BBS9: variants seen among roughly 807,000 people sequenced by gnomAD.
The protein encoded by BBS9 is protein PTHB1.
In BBS9, 89 loss-of-function variants were observed where a neutral mutation model predicts 117.7. The ratio of observed to expected loss-of-function variants is 0.76; its 90% CI spans 0.64 to 0.90. BBS9 has a LOEUF of 0.90. Among genes scored for constraint, BBS9 ranks in the 40% least tolerant of loss-of-function variants. The pLI, the probability that BBS9 is intolerant of heterozygous loss-of-function variation, is 0.00. For missense variants in BBS9, 982 were observed against 1,042.2 expected, an observed-to-expected ratio of 0.94 and a Z score of 0.80; for synonymous variants, 379 against 370.9, an observed-to-expected ratio of 1.02 and a Z score of -0.25.
intron 20 of BBS9, among the ~76,000 whole-genome samples, chr7:33,518,500 C>T (rs1013347817): frequency 2.6e-5 from 4 of 152,014 alleles, no homozygotes; most frequent in South Asian, 2.1e-4. Flanking sequence ...CCGCCCGCCT[C>T]GGCCTCCCAA....
chr7:33,547,794 A>T (rs1188591904), intron 21 of BBS9, among the ~76,000 whole-genome samples: 2 of 152,174 alleles, frequency 1.3e-5, no homozygotes, highest in African/African-American at 4.8e-5. Flanking sequence ...ATTGTTTCAA[A>T]ATCGTTTTGA....
chr7:33,285,401 A>G (rs1033253165), intron 9 of BBS9, among the ~76,000 whole-genome samples: 20 of 152,130 alleles, frequency 1.3e-4, no homozygotes, highest in Admixed American at 2.0e-4. Context: ...ATGGGGGATG[A>G]AGGAACAGAA....
At chr7:33,227,427 G>A (rs901262272) in intron 5 of BBS9, among the ~76,000 whole-genome samples, 1 of 152,080 alleles carries the variant, frequency 6.6e-6, no homozygotes, top group African/African-American at 2.4e-5. Flanking sequence ...GATTACAGGT[G>A]TGAGCCACTG....
chr7:33,485,673 T>G (rs1843016878), intron 19 of BBS9, among the ~76,000 whole-genome samples: 1 of 152,144 alleles, frequency 6.6e-6, no homozygotes. Context: ...TTCTTCTGAG[T>G]CTTTATAAGG....
chr7:33,448,359 G>A lies in BBS9; in HGVS notation c.2116-57104G>A, dbSNP rs143215140. ...TTTTCCTGTCTGTGATGTAGTCTGA[G>A]TGCATTCCCTTTGCCTTGGCAGTTT... On this transcript the variant is annotated intron_variant, in intron 19 of 22. Coordinates refer to ENST00000242067, the MANE Select transcript of BBS9 (RefSeq NM_198428.3). Among the ~76,000 whole-genome samples, 69 of 152,254 alleles carry A rather than the reference G, an allele frequency of 4.5e-4. No individual in the cohort carries two copies. The East Asian group carries it at 0.013, about 28-fold the overall frequency.
intron 5 of BBS9, among the ~76,000 whole-genome samples, chr7:33,198,922 A>G (rs1004262749): frequency 6.6e-6 from 1 of 152,018 alleles, no homozygotes; most frequent in East Asian, 1.9e-4. Flanking sequence ...AACAGTGCCT[A>G]GCACTATTAA....
At chr7:33,611,472 ATATAT>A (rs950647832) in intron 21 of BBS9, among the ~76,000 whole-genome samples, 12 of 138,434 alleles carry the variant, frequency 8.7e-5, no homozygotes, top group African/African-American at 2.2e-4. Context: ...TAATAATATA[ATATAT>A]TATAATAATG....
chr7:33,134,240 T>C (rs1790108515), intron 1 of BBS9, among the ~76,000 whole-genome samples: 1 of 146,208 alleles, frequency 6.8e-6, no homozygotes, highest in South Asian at 2.2e-4. Context: ...TTTTTTTGTA[T>C]TTTTAGTGGA....
intron 5 of BBS9, among the ~76,000 whole-genome samples, chr7:33,231,087 C>T (rs1331234316): frequency 2.0e-5 from 3 of 152,104 alleles, no homozygotes; most frequent in Non-Finnish European, 2.9e-5. Context: ...GATATCTATT[C>T]TTTTATCCAT....
Position 33,519,574 on chromosome 7 carries a change from A to T in BBS9, c.2298+13929A>T, listed in dbSNP as rs573223378. 5.1e-5 allele frequency among the ~76,000 whole-genome samples: 5 copies of T among 98,728 alleles called. No individual in the cohort carries two copies. In the South Asian group the frequency reaches 1.6e-3, roughly 32 times the overall value. The allele number at this position is 98,728 out of a possible 152,430, so 64.8% of individuals were successfully genotyped here. A position where few individuals can be genotyped will look rare whatever the true frequency, so the allele number is the denominator to read the frequency against. On this transcript the variant is annotated intron_variant, in intron 20 of 22. Coordinates refer to ENST00000242067, the MANE Select transcript of BBS9 (RefSeq NM_198428.3). ...TCGCCCAACCAAACTGGCACAGAGCATTGTGCTTTTTTTTTATTATGCAGT... is the reference window on the plus strand; with the variant it reads ...TCGCCCAACCAAACTGGCACAGAGCTTTGTGCTTTTTTTTTATTATGCAGT...
Position 33,130,208 on chromosome 7 carries a change from A to G in BBS9, c.-12+167A>G, listed in dbSNP as rs533107422. Among the ~76,000 whole-genome samples, 4 of 152,344 alleles carry G rather than the reference A, an allele frequency of 2.6e-5. No homozygotes were observed. The East Asian group carries it at 7.7e-4, about 29-fold the overall frequency. On this transcript the variant is annotated intron_variant, in intron 1 of 22. Coordinates refer to ENST00000242067, the MANE Select transcript of BBS9 (RefSeq NM_198428.3). Reference sequence around the variant, plus strand: ...AACAAACACTAGGAGCACAAAGTGTATGAGATTCTGTGAGTACTTTTGAGA... The same window carrying G: ...AACAAACACTAGGAGCACAAAGTGTGTGAGATTCTGTGAGTACTTTTGAGA...
chr7:33,343,760 A>T (rs1223092294), intron 11 of BBS9, among the ~76,000 whole-genome samples: 1 of 152,040 alleles, frequency 6.6e-6, no homozygotes, highest in Non-Finnish European at 1.5e-5. Flanking sequence ...CGGCCTCCCA[A>T]AGTGCTAGGA....
rs555306338 is a variant in BBS9 at position 33,143,009 on chromosome 7, G to A, written c.-11-3233G>A. ...TTTTGAGATGGAGTCTCGCTCTGTC[G>A]CCCAGGCAGGAGTGCAGTGGCGCGA... On this transcript the variant is annotated intron_variant, in intron 1 of 22. Transcript: ENST00000242067. Among the ~76,000 whole-genome samples the A allele has an allele frequency of 9.9e-5, 15 of 151,380 alleles. No homozygotes were observed. The East Asian group carries it at 1.4e-3, about 14-fold the overall frequency.
intron 9 of BBS9, among the ~76,000 whole-genome samples, chr7:33,287,084 T>G (rs1803046678): frequency 6.6e-6 from 1 of 152,178 alleles, no homozygotes; most frequent in Admixed American, 6.5e-5. Flanking sequence ...CAGAACTAGC[T>G]TTGGAGCACA....
At chr7:33,483,062 A>G (rs1842692271) in intron 19 of BBS9, among the ~76,000 whole-genome samples, 1 of 151,632 alleles carries the variant, frequency 6.6e-6, no homozygotes, top group African/African-American at 2.4e-5. Flanking sequence ...AGCTTGAATA[A>G]CTCATGAATT....
At chr7:33,581,410 T>A (rs967170730) in intron 21 of BBS9, among the ~76,000 whole-genome samples, 1 of 152,098 alleles carries the variant, frequency 6.6e-6, no homozygotes, top group East Asian at 1.9e-4. Flanking sequence ...CAGCCTTAAC[T>A]TGTTCCTGTA....
chr7:33,516,057 ACTG>A (rs1414216091), intron 20 of BBS9, among the ~76,000 whole-genome samples: 1 of 152,236 alleles, frequency 6.6e-6, no homozygotes, highest in Non-Finnish European at 1.5e-5. Flanking sequence ...CATAATATGA[ACTG>A]CTAAGATAAA....
At chr7:33,389,645 C>T (rs975240515) in intron 19 of BBS9, among the ~76,000 whole-genome samples, 7 of 139,362 alleles carry the variant, frequency 5.0e-5, no homozygotes, top group South Asian at 2.3e-4. Flanking sequence ...GCCGAGATCG[C>T]GCCATTGCAC....
chr7:33,132,208 C>T (rs951809967), intron 1 of BBS9, among the ~76,000 whole-genome samples: 13 of 152,074 alleles, frequency 8.5e-5, no homozygotes, highest in Non-Finnish European at 1.6e-4. Flanking sequence ...GTGCATAGGC[C>T]GTTTGTTTAG....
Sources: allele counts gnomAD v4.1 joint callset (sites outside exome capture counted in the v4.1 genomes callset), GRCh38; gene constraint gnomAD v4.1.1; transcripts MANE v1.5; gene names NCBI Gene and HGNC (gene_info 2026-07-23, HGNC 2026-07-21).